PTPRJ: variants seen among roughly 807,000 people sequenced by gnomAD.
PTPRJ encodes the protein protein tyrosine phosphatase receptor type J.
A neutral mutation model predicts 141.3 loss-of-function variants in PTPRJ; 129 were observed. The ratio of observed to expected loss-of-function variants is 0.91; its 90% CI spans 0.79 to 1.06. PTPRJ has a LOEUF of 1.06. Ranked by LOEUF, PTPRJ falls within the 50% of genes least tolerant of loss-of-function variation. PTPRJ has a pLI of 0.00. For missense variants in PTPRJ, 1,601 were observed against 1,679.7 expected (o/e 0.95, Z 0.82); for synonymous variants, 610 against 640.5 (o/e 0.95, Z 0.72).
Position 48,155,889 on chromosome 11 carries a change from G to A in PTPRJ, c.3303+15G>A, listed in dbSNP as rs201586543. 4.6e-5 allele frequency: 73 copies of A among 1,595,558 alleles called. No homozygotes were observed. The highest frequency in any genetic ancestry group is 5.5e-5 in the Non-Finnish European group (64 of 1,163,414). On this transcript the variant is annotated intron_variant, in intron 20 of 24. Coordinates refer to ENST00000418331, the MANE Select transcript of PTPRJ (RefSeq NM_002843.4). ...ACTACATGCCTGTAAGTTGGGGGAC[G>A]GTCTCACAGCACTGGACTGTTTCGA...
intron 1 of PTPRJ, among the ~76,000 whole-genome samples, chr11:48,035,736 C>G (rs1403249536): frequency 6.6e-6 from 1 of 151,966 alleles, no homozygotes; most frequent in African/African-American, 2.4e-5. Context: ...AAATGATATT[C>G]TCATCAGGCT....
At chr11:48,135,513 A>C (rs1481042474) in intron 8 of PTPRJ, among the ~76,000 whole-genome samples, 1 of 80,702 alleles carries the variant, frequency 1.2e-5, no homozygotes, top group East Asian at 3.7e-4. Flanking sequence ...ACAGAGCCTC[A>C]TTCTGTCGCC....
At position 48,142,943 on chromosome 11, in the gene PTPRJ, C is replaced by T; in HGVS notation, c.2468C>T (p.Pro823Leu). ...GATCCCCCTCCTCCAGATGGATCCC[C>T]TAATATTACATCTGTCAGTCACAAT... ...ITDPPPPDGS[P>L]NITSVSHNSV... The change falls in exon 12 of 25, where the codon CCT (proline) becomes CTT (leucine). Residue 823 changes from proline to leucine, a missense_variant. Coordinates refer to ENST00000418331, the MANE Select transcript of PTPRJ (RefSeq NM_002843.4). 6.2e-7 allele frequency: 1 copy of T among 1,614,082 alleles called. No homozygotes were observed. The highest frequency in any genetic ancestry group is 2.2e-5 in the East Asian group (1 of 44,882).
chr11:48,123,921 T>A, intron 5 of PTPRJ, 51 bp downstream of exon 5: 1 of 1,534,202 alleles, frequency 6.5e-7, no homozygotes. Flanking sequence ...TTACTTTCAG[T>A]AACTAAATGT....
At chr11:48,039,464 G>GGGGT (rs536448671) in intron 1 of PTPRJ, among the ~76,000 whole-genome samples, 3,317 of 146,530 alleles carry the variant, frequency 0.023, 126 homozygotes, top group African/African-American at 0.078. Flanking sequence ...ACAACACTAT[G>GGGGT]GTGTGTGTGT....
intron 10 of PTPRJ, among the ~76,000 whole-genome samples, chr11:48,138,438 C>T (rs535571847): frequency 6.6e-6 from 1 of 152,216 alleles, no homozygotes; most frequent in African/African-American, 2.4e-5. Context: ...CTTTCCAGGC[C>T]CTGGGTGGCA....
Position 48,112,771 on chromosome 11 carries a change from C to A in PTPRJ, c.140C>A (p.Ser47Ter). The change falls in exon 3 of 25, where the codon TCA (serine) becomes TAA (stop). Residue 47 changes from serine to a stop codon, truncating the protein, a stop_gained. Transcript: ENST00000418331. LOFTEE classifies it high-confidence loss of function. ...GCCCCTAGTCCAATTCCTGACCCTTCAGTAGCAACTGTTGCCACAGGGGAA... is the reference window on the plus strand; with the variant it reads ...GCCCCTAGTCCAATTCCTGACCCTTAAGTAGCAACTGTTGCCACAGGGGAA... ...GGTPSPIPDP[S>*]VATVATGENG... is the part of the protein sequence containing the mutation. 1 of 1,614,038 alleles carries A rather than the reference C, an allele frequency of 6.2e-7. No homozygotes were observed. Among genetic ancestry groups the A allele is most frequent in the South Asian group, 1.1e-5 (1 of 91,080 alleles).
intron 1 of PTPRJ, among the ~76,000 whole-genome samples, chr11:48,094,758 G>C (rs1276464316): frequency 6.6e-6 from 1 of 152,162 alleles, no homozygotes; most frequent in Non-Finnish European, 1.5e-5. Flanking sequence ...AGAAGTTCTG[G>C]GTAACAGAGA....
intron 18 of PTPRJ, among the ~76,000 whole-genome samples, chr11:48,151,240 GC>G (rs1355209735): frequency 6.6e-6 from 1 of 151,966 alleles, no homozygotes; most frequent in East Asian, 1.9e-4. Context: ...TCTGGGCAGC[GC>G]CCTTCCTTGC....
At chr11:47,982,656 T>C (rs1219364170) in intron 1 of PTPRJ, among the ~76,000 whole-genome samples, 1 of 151,234 alleles carries the variant, frequency 6.6e-6, no homozygotes, top group Non-Finnish European at 1.5e-5. Flanking sequence ...ATGTAATTTT[T>C]TTTTTGCTTC....
At chr11:48,111,763 C>G (rs538694791) in intron 2 of PTPRJ, among the ~76,000 whole-genome samples, 15 of 151,706 alleles carry the variant, frequency 9.9e-5, no homozygotes, top group Admixed American at 8.5e-4. Context: ...TTGGAAGGGC[C>G]GCTGTATTAG....
rs138315285 is a variant in PTPRJ, at chr11:48,042,642, G to A, written c.96+61634G>A. ...AACCAAAACAGTGCTGTGTCCTGAA[G>A]CTAGAGGGGTGAGTATTCAGTATTG... On this transcript the variant is annotated intron_variant, in intron 1 of 24. Transcript: ENST00000418331. 9.8e-3 allele frequency among the ~76,000 whole-genome samples: 1,491 copies of A among 152,230 alleles called. 19 individuals are homozygous for A. The highest frequency in any genetic ancestry group is 0.037 in the Middle Eastern group (11 of 294).
At chr11:48,138,847 G>A (rs1857164799) in intron 10 of PTPRJ, among the ~76,000 whole-genome samples, 3 of 152,120 alleles carry the variant, frequency 2.0e-5, no homozygotes, top group African/African-American at 7.2e-5. Flanking sequence ...ATCATCAAGA[G>A]GGCCTTGGCT....
intron 1 of PTPRJ, among the ~76,000 whole-genome samples, chr11:48,000,839 A>G (rs369024242): frequency 2.6e-5 from 4 of 151,754 alleles, no homozygotes; most frequent in East Asian, 3.9e-4. Flanking sequence ...GGGACCCCCT[A>G]TGTCTGATTT....
intron 3 of PTPRJ, among the ~76,000 whole-genome samples, chr11:48,119,018 C>A (rs1349122139): frequency 3.9e-3 from 341 of 86,960 alleles, no homozygotes; most frequent in African/African-American, 8.4e-3. Context: ...GACTTCGTCT[C>A]AAAAAAAAAA....
Position 48,144,549 on chromosome 11 carries a change from C to T in PTPRJ, c.2576-126C>T. On this transcript the variant is annotated intron_variant, in intron 12 of 24. Coordinates refer to ENST00000418331, the MANE Select transcript of PTPRJ (RefSeq NM_002843.4). ...AATTCAATGTAAGTCAAACCTGGCA[C>T]AGAGAGATACTTGAGAGATGGTTGC... 5.4e-6 allele frequency: 4 copies of T among 747,280 alleles called. No homozygotes were observed. The Admixed American group carries it at 7.9e-5, about 15-fold the overall frequency. The allele number at this position is 747,280 out of a possible 1,614,324, so 46.3% of individuals were successfully genotyped here.
Position 47,980,775 on chromosome 11 carries a change from G to A in PTPRJ, c.-138G>A. ...GTCTCCGGGGAAGCCCGGGGCGGGCGGAGCGGGGACGAGGCGGACCGGCTG... is the reference window on the plus strand; with the variant it reads ...GTCTCCGGGGAAGCCCGGGGCGGGCAGAGCGGGGACGAGGCGGACCGGCTG... On this transcript the variant is annotated 5_prime_UTR_variant, in exon 1 of 25. Transcript: ENST00000418331. The A allele has an allele frequency of 9.7e-7, 1 of 1,027,836 alleles. No individual in the cohort carries two copies. The highest frequency in any genetic ancestry group is 1.2e-6 in the Non-Finnish European group (1 of 859,954). 63.7% of individuals were successfully genotyped at this position (1,027,836 alleles called of 1,614,324 possible).
chr11:48,000,746 A>C (rs547300099), intron 1 of PTPRJ, among the ~76,000 whole-genome samples: 1 of 151,678 alleles, frequency 6.6e-6, no homozygotes, highest in East Asian at 2.0e-4. Context: ...CTATCCCATC[A>C]TCCTCCTTCA....
chr11:48,152,923 C>T (rs1047471050), intron 18 of PTPRJ, among the ~76,000 whole-genome samples: 8 of 152,094 alleles, frequency 5.3e-5, no homozygotes, highest in Non-Finnish European at 1.0e-4. Context: ...TGTAAAGAGC[C>T]TATTTCTAAA....
Sources: allele counts gnomAD v4.1 joint callset (sites outside exome capture counted in the v4.1 genomes callset), GRCh38; gene constraint gnomAD v4.1.1; transcripts MANE v1.5; gene names NCBI Gene and HGNC (gene_info 2026-07-23, HGNC 2026-07-21).